The following TMEM156 variants were observed in gnomAD, a reference collection of about 807,000 sequenced individuals.
The protein encoded by TMEM156 is transmembrane protein 156.
In TMEM156, 28 loss-of-function variants were observed where a neutral mutation model predicts 30.5. The observed-to-expected ratio is 0.92, with a 90% CI of 0.68 to 1.26. TMEM156 has a LOEUF of 1.26. Among genes scored for constraint, TMEM156 ranks in the 50% most tolerant of loss-of-function variants. The pLI is 0.00. For synonymous variants in TMEM156, 137 were observed against 119.9 expected (o/e 1.14, Z -0.93); for missense variants, 351 against 340.6 (o/e 1.03, Z -0.24).
chr4:39,009,842 C>T (rs1014178165), intron 1 of TMEM156, among the ~76,000 whole-genome samples: 1 of 152,120 alleles, frequency 6.6e-6, no homozygotes, highest in Admixed American at 6.5e-5. Context: ...GAGAACAAGA[C>T]AAAGATGTCA....
chr4:38,992,721 TATAATATATATATAATATATAATA>T (rs1560366966), intron 3 of TMEM156, among the ~76,000 whole-genome samples: 2 of 50,308 alleles, frequency 4.0e-5, no homozygotes, highest in Non-Finnish European at 8.4e-5. Context: ...ATTATATATA[TATAATATATATATAATATATAATA>T]TATTATATAT....
chr4:38,980,887 A>G (rs144870167), intron 5 of TMEM156: 45 of 978,534 alleles, frequency 4.6e-5, no homozygotes, highest in East Asian at 2.3e-4. Flanking sequence ...TTTACCATCA[A>G]TTCTTCCAGG....
chr4:39,019,575 G>A (rs545317468), intron 1 of TMEM156, among the ~76,000 whole-genome samples: 4 of 152,164 alleles, frequency 2.6e-5, no homozygotes, highest in East Asian at 3.9e-4. Flanking sequence ...TTGTGTGTAC[G>A]AATTGTTGCT....
chr4:38,995,498 C>T (rs1282750915), intron 2 of TMEM156, among the ~76,000 whole-genome samples: 1 of 152,138 alleles, frequency 6.6e-6, no homozygotes, highest in Non-Finnish European at 1.5e-5. Flanking sequence ...GGGTGGATCA[C>T]GAGGTCAAGA....
Position 38,980,931 on chromosome 4 carries a change from A to G in TMEM156, c.823+5405T>C. The G allele has an allele frequency of 4.1e-6, 4 of 985,370 alleles. No individual in the cohort carries two copies. The South Asian group carries it at 1.9e-4, about 46-fold the overall frequency. 61.0% of individuals were successfully genotyped at this position (985,370 alleles called of 1,614,324 possible). A position where few individuals can be genotyped will look rare whatever the true frequency, so the allele number is the denominator to read the frequency against. Reference sequence around the variant, plus strand: ...ATATGCCTGTCACGTAAAGGCATTCAATGAATGACTGGAATAAATCGTCCT... The same window carrying G: ...ATATGCCTGTCACGTAAAGGCATTCGATGAATGACTGGAATAAATCGTCCT... On this transcript the variant is annotated intron_variant, in intron 5 of 6. Transcript: ENST00000381938.
intron 5 of TMEM156, among the ~76,000 whole-genome samples, chr4:38,972,857 A>C (rs1722672199): frequency 6.6e-6 from 1 of 152,072 alleles, no homozygotes; most frequent in South Asian, 2.1e-4. Flanking sequence ...ACTGCAAATA[A>C]TTTTGCCCAT....
chr4:39,021,311 G>A (rs1714850778), intron 1 of TMEM156, among the ~76,000 whole-genome samples: 1 of 151,532 alleles, frequency 6.6e-6, no homozygotes, highest in African/African-American at 2.4e-5. Context: ...GGCTGAGGTG[G>A]GTGGACCGCT....
At chr4:39,010,594 A>T (rs1277980832) in intron 1 of TMEM156, among the ~76,000 whole-genome samples, 1 of 152,194 alleles carries the variant, frequency 6.6e-6, no homozygotes, top group African/African-American at 2.4e-5. Context: ...AACAGAATAG[A>T]GACCCCTGAA....
chr4:39,009,275 A>T (rs1168872847), intron 1 of TMEM156, among the ~76,000 whole-genome samples: 1 of 152,156 alleles, frequency 6.6e-6, no homozygotes, highest in Non-Finnish European at 1.5e-5. Context: ...AGCCCAGAAC[A>T]GCCCTGGACC....
intron 1 of TMEM156, among the ~76,000 whole-genome samples, chr4:39,008,483 T>C (rs1358462523): frequency 6.6e-6 from 1 of 152,218 alleles, no homozygotes; most frequent in Non-Finnish European, 1.5e-5. Context: ...ATCATTCTTC[T>C]ACATTGCTGC....
intron 1 of TMEM156, among the ~76,000 whole-genome samples, chr4:39,009,515 C>A (rs992944074): frequency 1.3e-5 from 2 of 151,998 alleles, no homozygotes; most frequent in Non-Finnish European, 2.9e-5. Flanking sequence ...ATTAGCAAAC[C>A]AAATCCAACA....
At chr4:38,972,301 T>C (rs1193963099) in intron 5 of TMEM156, among the ~76,000 whole-genome samples, 2 of 129,132 alleles carry the variant, frequency 1.5e-5, no homozygotes, top group Non-Finnish European at 3.1e-5. Context: ...TCGCCCAGGC[T>C]AGAGTGCAAT....
At chr4:39,023,004 G>C (rs1023287925) in intron 1 of TMEM156, among the ~76,000 whole-genome samples, 1 of 152,196 alleles carries the variant, frequency 6.6e-6, no homozygotes, top group East Asian at 1.9e-4. Context: ...CTAACCGTTT[G>C]TGTACCCCTA....
At chr4:38,999,323 C>T (rs1225612886) in intron 1 of TMEM156, among the ~76,000 whole-genome samples, 1 of 151,814 alleles carries the variant, frequency 6.6e-6, no homozygotes, top group Admixed American at 6.6e-5. Flanking sequence ...AGCCATGGTG[C>T]CCAGCAACAT....
intron 5 of TMEM156, among the ~76,000 whole-genome samples, chr4:38,983,633 C>G (rs562297461): frequency 2.6e-5 from 4 of 152,324 alleles, no homozygotes; most frequent in Admixed American, 2.0e-4. Context: ...CTCCTGGACT[C>G]AAGTGATCCT....
At chr4:39,016,383 A>AG (rs1362622115) in intron 1 of TMEM156, among the ~76,000 whole-genome samples, 57 of 149,718 alleles carry the variant, frequency 3.8e-4, no homozygotes, top group Middle Eastern at 3.4e-3. Flanking sequence ...AAAAAAAAAA[A>AG]AAGAAGAAGA....
chr4:39,020,382 G>T (rs1442409988), intron 1 of TMEM156, among the ~76,000 whole-genome samples: 1 of 151,996 alleles, frequency 6.6e-6, no homozygotes, highest in African/African-American at 2.4e-5. Flanking sequence ...CCAGGAGTGG[G>T]ATTGCTGGGC....
intron 4 of TMEM156, 132 bp from the exon 5 acceptor site, chr4:38,986,551 G>A (rs1293144328): frequency 3.1e-6 from 2 of 650,070 alleles, no homozygotes; most frequent in Non-Finnish European, 5.4e-6. Flanking sequence ...GTTCACGCCT[G>A]TAATCCCAGC....
chr4:39,004,440 T>C (rs920769598), intron 1 of TMEM156, among the ~76,000 whole-genome samples: 11 of 152,142 alleles, frequency 7.2e-5, no homozygotes, highest in African/African-American at 2.7e-4. Flanking sequence ...AGTTAAATAA[T>C]AATAACTAAG....
Sources: gnomAD v4.1 joint callset for allele counts (sites outside exome capture counted in the v4.1 genomes callset) on GRCh38, gnomAD v4.1.1 for gene constraint, MANE v1.5 for transcripts, NCBI Gene and HGNC (gene_info 2026-07-23, HGNC 2026-07-21) for gene names.